PDSS2: variants seen among roughly 807,000 people sequenced by gnomAD.
PDSS2 encodes the protein all trans-polyprenyl-diphosphate synthase PDSS2.
A neutral mutation model predicts 44.5 loss-of-function variants in PDSS2; 31 were observed. The ratio of observed to expected loss-of-function variants is 0.70; its 90% CI spans 0.52 to 0.94. The LOEUF (loss-of-function observed/expected upper bound fraction) is 0.94. Ranked by LOEUF, PDSS2 falls within the 40% of genes least tolerant of loss-of-function variation. PDSS2 has a pLI of 0.00. For missense variants in PDSS2, 452 were observed against 482.2 expected (o/e 0.94, Z 0.59); for synonymous variants, 157 against 180.3 (o/e 0.87, Z 1.03).
chr6:107,263,244 G>C (rs1237480462), intron 3 of PDSS2, among the ~76,000 whole-genome samples: 1 of 151,960 alleles, frequency 6.6e-6, no homozygotes, highest in Admixed American at 6.6e-5. Flanking sequence ...CCTGAGGTCT[G>C]GAGTTCAAGA....
chr6:107,256,060 G>A (rs1177771623), intron 3 of PDSS2, among the ~76,000 whole-genome samples: 1 of 152,036 alleles, frequency 6.6e-6, no homozygotes, highest in Non-Finnish European at 1.5e-5. Context: ...GTGCCATCTT[G>A]GCTCACTGTA....
At chr6:107,331,412 C>T (rs943622700) in intron 2 of PDSS2, among the ~76,000 whole-genome samples, 6 of 152,038 alleles carry the variant, frequency 3.9e-5, no homozygotes, top group Admixed American at 1.3e-4. Context: ...GAGTATAAAG[C>T]CCATTTATGT....
intron 6 of PDSS2, among the ~76,000 whole-genome samples, chr6:107,195,037 T>G (rs183042087): frequency 1.4e-3 from 213 of 152,140 alleles, no homozygotes; most frequent in Middle Eastern, 3.4e-3. Context: ...CAGAATAAAA[T>G]TTCTCCTGCC....
intron 1 of PDSS2, among the ~76,000 whole-genome samples, chr6:107,370,789 C>A (rs189989255): frequency 6.6e-6 from 1 of 152,306 alleles, no homozygotes; most frequent in East Asian, 1.9e-4. Context: ...CTTGATGATG[C>A]TCAGAATATC....
chr6:107,172,033 T>C (rs1306161584), intron 7 of PDSS2, among the ~76,000 whole-genome samples: 2 of 152,112 alleles, frequency 1.3e-5, no homozygotes, highest in African/African-American at 2.4e-5. Context: ...TATAATTAAA[T>C]CTCTAATTAA....
At chr6:107,219,359 C>T (rs993025877) in intron 4 of PDSS2, among the ~76,000 whole-genome samples, 2 of 152,116 alleles carry the variant, frequency 1.3e-5, no homozygotes, top group Admixed American at 1.3e-4. Context: ...GCAATCTCGG[C>T]TCACTGCAAC....
intron 3 of PDSS2, among the ~76,000 whole-genome samples, chr6:107,271,862 C>T (rs1227085491): frequency 1.3e-5 from 2 of 151,864 alleles, no homozygotes; most frequent in Non-Finnish European, 2.9e-5. Flanking sequence ...CAAGACCAGC[C>T]TGGGCAACAT....
chr6:107,215,086 C>T (rs1413158929), intron 4 of PDSS2, among the ~76,000 whole-genome samples: 2 of 152,128 alleles, frequency 1.3e-5, no homozygotes, highest in Admixed American at 6.5e-5. Flanking sequence ...TTATAACATA[C>T]TTAATTTTAT....
At chr6:107,314,756 T>C (rs1777150797) in intron 2 of PDSS2, among the ~76,000 whole-genome samples, 1 of 152,228 alleles carries the variant, frequency 6.6e-6, no homozygotes, top group African/African-American at 2.4e-5. Flanking sequence ...TAAGTTGCAT[T>C]TTATTTTACA....
chr6:107,407,059 A>C (rs1218797774), intron 1 of PDSS2, among the ~76,000 whole-genome samples: 1 of 152,246 alleles, frequency 6.6e-6, no homozygotes, highest in Non-Finnish European at 1.5e-5. Context: ...TGGTCCATCA[A>C]GAGATGAACA....
chr6:107,322,965 T>G (rs1158133122), intron 2 of PDSS2, among the ~76,000 whole-genome samples: 1 of 152,218 alleles, frequency 6.6e-6, no homozygotes. Flanking sequence ...CTGCCCTCTT[T>G]GCCTCTATTA....
intron 1 of PDSS2, among the ~76,000 whole-genome samples, chr6:107,442,523 C>T (rs1484913382): frequency 6.6e-6 from 1 of 152,136 alleles, no homozygotes; most frequent in Non-Finnish European, 1.5e-5. Flanking sequence ...GATGAGAAAC[C>T]CCTATGGCTT....
chr6:107,440,461 T>C (rs1196626493), intron 1 of PDSS2, among the ~76,000 whole-genome samples: 1 of 152,210 alleles, frequency 6.6e-6, no homozygotes, highest in Non-Finnish European at 1.5e-5. Flanking sequence ...ATAGACAAGG[T>C]TCCAGCTAGG....
chr6:107,427,921 C>T (rs1265697043), intron 1 of PDSS2, among the ~76,000 whole-genome samples: 1 of 152,170 alleles, frequency 6.6e-6, no homozygotes, highest in Non-Finnish European at 1.5e-5. Flanking sequence ...CAATATGAGG[C>T]CCTATTTAGA....
rs1469420997 is a variant in PDSS2 at position 107,336,942 on chromosome 6, C to T, written c.297-2610G>A. On this transcript the variant is annotated intron_variant, in intron 1 of 7. Transcript: ENST00000369037. ...TTCAGCAAGAACTCTAAGAGGTGAA[C>T]CTTGAGACAAGTCTGACCAAATCAC... Among the ~76,000 whole-genome samples, 9 of 139,798 alleles carry T rather than the reference C, an allele frequency of 6.4e-5. No individual in the cohort carries two copies. The Admixed American group carries it at 6.8e-4, about 11-fold the overall frequency. The allele number at this position is 139,798 out of a possible 152,430, so 91.7% of individuals were successfully genotyped here.
chr6:107,257,270 G>C (rs1161498879), intron 3 of PDSS2, among the ~76,000 whole-genome samples: 1 of 151,984 alleles, frequency 6.6e-6, no homozygotes, highest in African/African-American at 2.4e-5. Context: ...CAGGCACAGT[G>C]GCTCATGCCT....
intron 1 of PDSS2, among the ~76,000 whole-genome samples, chr6:107,412,558 A>G (rs1327536515): frequency 6.6e-6 from 1 of 152,102 alleles, no homozygotes; most frequent in African/African-American, 2.4e-5. Context: ...ATTTTTCTAT[A>G]ATGTTTTTAT....
chr6:107,440,855 GTCTA>G (rs752742086), intron 1 of PDSS2, among the ~76,000 whole-genome samples: 1 of 152,232 alleles, frequency 6.6e-6, no homozygotes, highest in Non-Finnish European at 1.5e-5. Context: ...ACTATTTCAT[GTCTA>G]TCTAAGCTGG....
chr6:107,451,812 C>A (rs1281003636), intron 1 of PDSS2, among the ~76,000 whole-genome samples: 1 of 152,138 alleles, frequency 6.6e-6, no homozygotes, highest in Non-Finnish European at 1.5e-5. Context: ...TCTGGACACA[C>A]CTTATGAACT....
Sources: gnomAD v4.1 joint callset for allele counts (sites outside exome capture counted in the v4.1 genomes callset) on GRCh38, gnomAD v4.1.1 for gene constraint, MANE v1.5 for transcripts, NCBI Gene and HGNC (gene_info 2026-07-23, HGNC 2026-07-21) for gene names.